Variants in FGD4 observed in about 807,000 individuals in gnomAD.
FGD4 encodes the protein FYVE, RhoGEF and PH domain containing 4, also known as FYVE, RhoGEF and PH domain-containing protein 4.
In FGD4, 42 loss-of-function variants were observed where a neutral mutation model predicts 102.0. That is an observed-to-expected ratio of 0.41 (90% CI 0.32 to 0.53). FGD4 has a LOEUF of 0.53. FGD4 is among the 20% of genes least tolerant of loss of function. FGD4 has a pLI of 0.21. For missense variants in FGD4, 902 were observed against 1,078.2 expected, an observed-to-expected ratio of 0.84 and a Z score of 2.29; for synonymous variants, 380 against 375.7, an observed-to-expected ratio of 1.01 and a Z score of -0.13.
Position 32,590,030 on chromosome 12 carries a change from G to A in FGD4, c.1011+7563G>A, listed in dbSNP as rs192886156. 1.5e-3 allele frequency among the ~76,000 whole-genome samples: 230 copies of A among 152,162 alleles called. 2 individuals are homozygous for A. The highest frequency in any genetic ancestry group is 5.1e-3 in the African/African-American group (210 of 41,530). On this transcript the variant is annotated intron_variant, in intron 4 of 16. Transcript: ENST00000534526. ...ACTATATTATAAAGCAAGGAATGCCGGGCGCGGTGGCTTATGCCTGAAATC... is the reference window on the plus strand; with the variant it reads ...ACTATATTATAAAGCAAGGAATGCCAGGCGCGGTGGCTTATGCCTGAAATC...
chr12:32,546,218 T>A (rs1354905302), intron 1 of FGD4, among the ~76,000 whole-genome samples: 1 of 152,206 alleles, frequency 6.6e-6, no homozygotes, highest in Non-Finnish European at 1.5e-5. Flanking sequence ...CCTGTTTCTC[T>A]TTTTCTTTTC....
chr12:32,491,967 A>G (rs1800610348), intron 1 of FGD4, among the ~76,000 whole-genome samples: 1 of 152,226 alleles, frequency 6.6e-6, no homozygotes, highest in South Asian at 2.1e-4. Flanking sequence ...GCTTGTTAAC[A>G]TTCATGAGTT....
At position 32,640,403 on chromosome 12, in the gene FGD4, G is replaced by A; in HGVS notation, c.2582G>A (p.Ser861Asn). Reference protein sequence around the residue: ...SKSVHSFAADSEELKQKWLKV... With the variant: ...SKSVHSFAADNEELKQKWLKV... ...TCCGTGCACAGCTTTGCTGCAGACA[G>A]TGAGGAACTGAAGCAGAAGTGGCTG... The change falls in exon 17 of 17, where the codon AGT becomes AAT. Residue 861 changes from serine to asparagine, a missense_variant. Physicochemically the swap from Ser to Asn is conservative, Grantham distance 46. Transcript: ENST00000534526. 1 of 1,614,214 alleles carries A rather than the reference G, an allele frequency of 6.2e-7. No homozygotes were observed. The highest frequency in any genetic ancestry group is 8.5e-7 in the Non-Finnish European group (1 of 1,180,030).
chr12:32,594,323 G>A (rs1388930081), intron 4 of FGD4, among the ~76,000 whole-genome samples: 1 of 152,124 alleles, frequency 6.6e-6, no homozygotes, highest in Non-Finnish European at 1.5e-5. Context: ...CTGCACATGC[G>A]AGGGATCTAA....
intron 1 of FGD4, among the ~76,000 whole-genome samples, chr12:32,471,351 T>C (rs1195669661): frequency 6.6e-6 from 1 of 152,190 alleles, no homozygotes; most frequent in Non-Finnish European, 1.5e-5. Context: ...CGTATCTCTC[T>C]CTATCTGATC....
In FGD4 at chr12:32,646,013, A is replaced by G. The variant is rs1477781615; in HGVS notation, c.*5480A>G. ...CACTTTAATTCCTATTAAATATTAA[A>G]CATTTGTATCTTGTAAATAAACACA... On this transcript the variant is annotated 3_prime_UTR_variant, in exon 17 of 17. Coordinates refer to ENST00000534526, the MANE Select transcript of FGD4 (RefSeq NM_001370298.3). The G allele has an allele frequency of 6.6e-6, 1 of 152,146 alleles. No individual in the cohort carries two copies. The highest frequency in any genetic ancestry group is 2.4e-5 in the African/African-American group (1 of 41,436). The allele number at this position is 152,146 out of a possible 1,614,324, so 9.4% of individuals were successfully genotyped here.
At chr12:32,579,236 G>A (rs1221817699) in intron 3 of FGD4, among the ~76,000 whole-genome samples, 3 of 151,816 alleles carry the variant, frequency 2.0e-5, no homozygotes, top group African/African-American at 7.3e-5. Context: ...TAGTAGAGAC[G>A]GGGTTTCTCC....
chr12:32,488,679 G>T (rs980726471), intron 1 of FGD4, among the ~76,000 whole-genome samples: 3 of 152,152 alleles, frequency 2.0e-5, no homozygotes, highest in African/African-American at 7.2e-5. Context: ...GGTGGCTCAC[G>T]CCTGTAATCC....
At chr12:32,418,572 C>G (rs1223695403) in intron 1 of FGD4, among the ~76,000 whole-genome samples, 2 of 152,190 alleles carry the variant, frequency 1.3e-5, no homozygotes, top group African/African-American at 4.8e-5. Context: ...AATGGAGTCT[C>G]TCTCTGTGCT....
At chr12:32,636,471 G>A (rs946242010) in intron 15 of FGD4, among the ~76,000 whole-genome samples, 4 of 151,518 alleles carry the variant, frequency 2.6e-5, no homozygotes, top group Non-Finnish European at 5.9e-5. Context: ...CGGCGGAGGT[G>A]TCAGTGAGCC....
At chr12:32,458,699 C>T (rs1943016912) in intron 1 of FGD4, among the ~76,000 whole-genome samples, 3 of 152,112 alleles carry the variant, frequency 2.0e-5, no homozygotes, top group African/African-American at 7.2e-5. Context: ...TAATTAGGCC[C>T]AGAGAGATTG....
intron 1 of FGD4, among the ~76,000 whole-genome samples, chr12:32,456,262 G>C (rs904753503): frequency 2.6e-5 from 4 of 152,092 alleles, no homozygotes; most frequent in Admixed American, 6.6e-5. Flanking sequence ...GTATACTTTT[G>C]CTATGTGATT....
chr12:32,603,078 A>G (rs1948530180), intron 7 of FGD4, among the ~76,000 whole-genome samples: 1 of 152,228 alleles, frequency 6.6e-6, no homozygotes, highest in African/African-American at 2.4e-5. Flanking sequence ...GTTCCAATAT[A>G]GCTCTGTTCC....
intron 5 of FGD4, chr12:32,600,585 TTTC>T (rs1166960904): frequency 7.0e-5 from 22 of 313,814 alleles, no homozygotes; most frequent in Non-Finnish European, 9.3e-5. Flanking sequence ...TCTTTCTTTC[TTTC>T]TTTCTTTTTT....
chr12:32,640,495 G>GAT lies in FGD4; in HGVS notation c.2675_2676dup (p.Asp893MetfsTer40). ...TCCAAATGAGCATCCAGCCACCTTG[G>GAT]ATGATCATCCTGAACCTAAGAAAAA... On this transcript the variant is annotated frameshift_variant, in exon 17 of 17. Coordinates refer to ENST00000534526, the MANE Select transcript of FGD4 (RefSeq NM_001370298.3). LOFTEE classifies it high-confidence loss of function. 1.9e-6 allele frequency: 3 copies of GAT among 1,614,104 alleles called. No homozygotes were observed. The highest frequency in any genetic ancestry group is 2.5e-6 in the Non-Finnish European group (3 of 1,180,022).
intron 1 of FGD4, among the ~76,000 whole-genome samples, chr12:32,420,489 G>A (rs1318789157): frequency 2.0e-5 from 3 of 152,078 alleles, no homozygotes; most frequent in Non-Finnish European, 2.9e-5. Context: ...CCAGTTTTAT[G>A]TTTAGAAAAT....
At chr12:32,548,505 G>C (rs1448568548) in intron 1 of FGD4, among the ~76,000 whole-genome samples, 2 of 152,132 alleles carry the variant, frequency 1.3e-5, no homozygotes, top group African/African-American at 4.8e-5. Flanking sequence ...CTTGCTTCCT[G>C]TACTTAAAGC....
rs1950112886 is a variant in FGD4 at position 32,625,638 on chromosome 12, T to G, written c.2047-16T>G. 2 of 1,613,262 alleles carry G rather than the reference T, an allele frequency of 1.2e-6. No homozygotes were observed. Among genetic ancestry groups the G allele is most frequent in the Non-Finnish European group, 1.7e-6 (2 of 1,179,614 alleles). ...AGTTTTTTTCTATTAAAATTGAATC[T>G]TTCTTCCCTTTTTAGACTGCTGAGC... On this transcript the variant is annotated splice_polypyrimidine_tract_variant and intron_variant, in intron 13 of 16. Coordinates refer to ENST00000534526, the MANE Select transcript of FGD4 (RefSeq NM_001370298.3).
chr12:32,503,120 T>TC (rs974170404), intron 1 of FGD4, among the ~76,000 whole-genome samples: 88 of 152,342 alleles, frequency 5.8e-4, no homozygotes, highest in African/African-American at 1.9e-3. Context: ...CAGCATTGTA[T>TC]CCCCTTCCCC....
Sources: gnomAD v4.1 joint callset for allele counts (sites outside exome capture counted in the v4.1 genomes callset) on GRCh38, gnomAD v4.1.1 for gene constraint, MANE v1.5 for transcripts, NCBI Gene and HGNC (gene_info 2026-07-23, HGNC 2026-07-21) for gene names.